Variants in SLC5A8 observed in about 807,000 individuals in gnomAD.
The protein encoded by SLC5A8 is solute carrier family 5 member 8.
SLC5A8 carries 55 observed loss-of-function variants against 71.9 expected under a neutral mutation model. The observed-to-expected ratio is 0.77, with a 90% CI of 0.62 to 0.96. SLC5A8 has a LOEUF of 0.96. Among genes scored for constraint, SLC5A8 ranks in the 40% least tolerant of loss-of-function variants. The pLI, the probability that SLC5A8 is intolerant of heterozygous loss-of-function variation, is 0.00. For missense variants in SLC5A8, 701 were observed against 745.3 expected (o/e 0.94, Z 0.69); for synonymous variants, 307 against 276.1 (o/e 1.11, Z -1.11).
rs1241768624 is a variant in SLC5A8, at chr12:101,209,805, T to C, written c.44A>G (p.Tyr15Cys). 14 of 1,598,922 alleles carry C rather than the reference T, an allele frequency of 8.8e-6. No individual in the cohort carries two copies. Among genetic ancestry groups the C allele is most frequent in the Non-Finnish European group, 1.2e-5 (14 of 1,171,802 alleles). ...RGIGTFVVWDYVVFAGMLVIS... is the reference protein window; with the variant it reads ...RGIGTFVVWDCVVFAGMLVIS... ...GACCAGCATGCCCGCGAACACCACG[T>C]AGTCCCACACCACGAAGGTGCCGAT... Residue 15 changes from tyrosine to cysteine, a missense_variant, in exon 1 of 15, where the codon TAC becomes TGC. Transcript: ENST00000536262.
At chr12:101,202,246 A>C (rs1412823505) in intron 2 of SLC5A8, 31 bp from the exon 3 acceptor site, 1 of 1,497,528 alleles carries the variant, frequency 6.7e-7, no homozygotes, top group Non-Finnish European at 9.0e-7. Flanking sequence ...CAAATGAATT[A>C]TATGAATTAT....
At chr12:101,173,305 GC>G (rs1749436680) in intron 10 of SLC5A8, among the ~76,000 whole-genome samples, 1 of 152,194 alleles carries the variant, frequency 6.6e-6, no homozygotes, top group South Asian at 2.1e-4. Flanking sequence ...CTTTGAGCAG[GC>G]TTTGAATTTC....
In SLC5A8 at chr12:101,209,986, GT is replaced by G. The variant is rs1437667018; in HGVS notation, c.-139del. 1.4e-4 allele frequency: 100 copies of G among 734,490 alleles called. No individual in the cohort carries two copies. Among genetic ancestry groups the G allele is most frequent in the South Asian group, 1.2e-3 (53 of 42,818 alleles). 45.5% of individuals were successfully genotyped at this position (734,490 alleles called of 1,614,324 possible). On this transcript the variant is annotated 5_prime_UTR_variant, in exon 1 of 15. Coordinates refer to ENST00000536262, the MANE Select transcript of SLC5A8 (RefSeq NM_145913.5). ...CGGGGACTGGAGGCGTCCTCCAGGT[GT>G]CGGCCTCCGAACGCACCCCGAGGCG...
In SLC5A8 at chr12:101,209,709, A is replaced by G. The variant is rs775045872; in HGVS notation, c.140T>C (p.Met47Thr). 14 of 1,613,360 alleles carry G rather than the reference A, an allele frequency of 8.7e-6. No individual in the cohort carries two copies. In the South Asian group the frequency reaches 1.5e-4, roughly 18 times the overall value. Residue 47 changes from methionine to threonine, a missense_variant, in exon 1 of 15, where the codon ATG becomes ACG. Physicochemically the swap from Met to Thr is moderately conservative, Grantham distance 81. Coordinates refer to ENST00000536262, the MANE Select transcript of SLC5A8 (RefSeq NM_145913.5). Reference sequence around the variant, plus strand: ...CACTGCGGTCATTCTGCGGCCGCCCATCAGGAAGTCCTTGGAGGTCTGCTG... The same window carrying G: ...CACTGCGGTCATTCTGCGGCCGCCCGTCAGGAAGTCCTTGGAGGTCTGCTG... The part of the protein sequence containing the change: ...GGQQTSKDFL[M>T]GGRRMTAVPV...
chr12:101,161,553 A>G (rs2051723288), intron 13 of SLC5A8, among the ~76,000 whole-genome samples: 1 of 152,236 alleles, frequency 6.6e-6, no homozygotes, highest in African/African-American at 2.4e-5. Flanking sequence ...CAAAGAATGA[A>G]TACTGGACCA....
At position 101,156,503 on chromosome 12, in the gene SLC5A8, T is replaced by G. The variant is rs182094717; in HGVS notation, c.*776A>C. On this transcript the variant is annotated 3_prime_UTR_variant, in exon 15 of 15. Coordinates refer to ENST00000536262, the MANE Select transcript of SLC5A8 (RefSeq NM_145913.5). Reference sequence around the variant, plus strand: ...GCCCAGGGCAATAAACAGAAAATTATGAAGACAAGCTCAGTTAGAGTGCAC... The same window carrying G: ...GCCCAGGGCAATAAACAGAAAATTAGGAAGACAAGCTCAGTTAGAGTGCAC... The G allele has an allele frequency of 6.6e-6, 1 of 152,274 alleles. No homozygotes were observed. The highest frequency in any genetic ancestry group is 6.5e-5 in the Admixed American group (1 of 15,280). The allele number at this position is 152,274 out of a possible 1,614,324, so 9.4% of individuals were successfully genotyped here.
chr12:101,210,079 G>T lies in SLC5A8; in HGVS notation c.-231C>A. Reference sequence around the variant, plus strand: ...CCGCGCCCCTCAAACCCAGGTATGGGACCTCGGAAAATCGACCCGCTGCCC... The same window carrying T: ...CCGCGCCCCTCAAACCCAGGTATGGTACCTCGGAAAATCGACCCGCTGCCC... On this transcript the variant is annotated 5_prime_UTR_variant, in exon 1 of 15. Transcript: ENST00000536262. 1 of 474,666 alleles carries T rather than the reference G, an allele frequency of 2.1e-6. No individual in the cohort carries two copies. Among genetic ancestry groups the T allele is most frequent in the East Asian group, 3.5e-5 (1 of 28,888 alleles). 29.4% of individuals were successfully genotyped at this position (474,666 alleles called of 1,614,324 possible). A position where few individuals can be genotyped will look rare whatever the true frequency, so the allele number is the denominator to read the frequency against.
intron 12 of SLC5A8, among the ~76,000 whole-genome samples, chr12:101,163,856 G>T (rs2051744641): frequency 6.6e-6 from 1 of 152,204 alleles, no homozygotes; most frequent in African/African-American, 2.4e-5. Flanking sequence ...CATCGCCAGT[G>T]CATTCAATGG....
intron 6 of SLC5A8, 130 bp from the exon 7 acceptor site, chr12:101,187,645 G>T: frequency 1.0e-6 from 1 of 972,388 alleles, no homozygotes; most frequent in Admixed American, 3.4e-5. Context: ...TTTGATTATC[G>T]AAAACTCTAC....
At chr12:101,165,837 C>T (rs2051765052) in intron 12 of SLC5A8, among the ~76,000 whole-genome samples, 5 of 152,180 alleles carry the variant, frequency 3.3e-5, no homozygotes, top group Admixed American at 3.3e-4. Context: ...TGAACGTATT[C>T]ACAGGGTTTG....
At chr12:101,168,477 T>C (rs1027025641) in intron 10 of SLC5A8, among the ~76,000 whole-genome samples, 1 of 152,216 alleles carries the variant, frequency 6.6e-6, no homozygotes, top group African/African-American at 2.4e-5. Flanking sequence ...AAATCATGAA[T>C]GATACCTCTC....
chr12:101,159,495 T>C (rs758595087), intron 13 of SLC5A8, among the ~76,000 whole-genome samples: 1 of 152,216 alleles, frequency 6.6e-6, no homozygotes, highest in Non-Finnish European at 1.5e-5. Context: ...TGAACTCTTA[T>C]GGGAGTTTTA....
intron 1 of SLC5A8, among the ~76,000 whole-genome samples, 167 bp downstream of exon 1, chr12:101,209,331 G>A (rs1487703407): frequency 6.6e-6 from 1 of 152,108 alleles, no homozygotes; most frequent in Non-Finnish European, 1.5e-5. Context: ...AAGATGCCAG[G>A]TGAAGATCGG....
rs2051655906 is a variant in SLC5A8 at position 101,155,890 on chromosome 12, A to G, written c.*1389T>C. 2 of 151,922 alleles carry G rather than the reference A, an allele frequency of 1.3e-5. No homozygotes were observed. Among genetic ancestry groups the G allele is most frequent in the Admixed American group, 6.6e-5 (1 of 15,230 alleles). 9.4% of individuals were successfully genotyped at this position (151,922 alleles called of 1,614,324 possible). On this transcript the variant is annotated 3_prime_UTR_variant, in exon 15 of 15. Coordinates refer to ENST00000536262, the MANE Select transcript of SLC5A8 (RefSeq NM_145913.5). Reference sequence around the variant, plus strand: ...CCTAAATAACACGTATCAGAAAATAAGCATAAAATTATTTAATCATAAAAA... The same window carrying G: ...CCTAAATAACACGTATCAGAAAATAGGCATAAAATTATTTAATCATAAAAA...
intron 1 of SLC5A8, among the ~76,000 whole-genome samples, chr12:101,207,455 G>T (rs923031894): frequency 6.6e-6 from 1 of 152,202 alleles, no homozygotes; most frequent in Non-Finnish European, 1.5e-5. Context: ...CCTGGCATGT[G>T]TTCAGCATTC....
chr12:101,185,116 G>A (rs1204443420), intron 7 of SLC5A8, among the ~76,000 whole-genome samples: 1 of 152,142 alleles, frequency 6.6e-6, no homozygotes, highest in Non-Finnish European at 1.5e-5. Context: ...CATGGGATAT[G>A]GAAGAACTTC....
chr12:101,203,005 G>T (rs1010023766), intron 2 of SLC5A8, among the ~76,000 whole-genome samples: 2 of 152,166 alleles, frequency 1.3e-5, no homozygotes, highest in African/African-American at 2.4e-5. Context: ...AGGTGGTAAA[G>T]CTCCCCTCTT....
intron 10 of SLC5A8, among the ~76,000 whole-genome samples, chr12:101,179,312 A>G (rs1045591867): frequency 6.6e-6 from 1 of 152,226 alleles, no homozygotes; most frequent in Non-Finnish European, 1.5e-5. Flanking sequence ...TCCCAGGGAA[A>G]TGAAGACTTA....
intron 3 of SLC5A8, among the ~76,000 whole-genome samples, chr12:101,201,001 T>C (rs1869436435): frequency 6.6e-6 from 1 of 152,204 alleles, no homozygotes; most frequent in South Asian, 2.1e-4. Context: ...ACTCTAGTCA[T>C]CAAAACACCT....
Sources: gnomAD v4.1 joint callset for allele counts (sites outside exome capture counted in the v4.1 genomes callset) on GRCh38, gnomAD v4.1.1 for gene constraint, MANE v1.5 for transcripts, NCBI Gene and HGNC (gene_info 2026-07-23, HGNC 2026-07-21) for gene names.